The following FKTN variants were observed in gnomAD, a reference collection of about 807,000 sequenced individuals.
FKTN encodes the protein ribitol-5-phosphate transferase FKTN.
FKTN carries 47 observed loss-of-function variants against 58.6 expected under a neutral mutation model. The observed-to-expected ratio is 0.80, with a 90% CI of 0.63 to 1.02. The LOEUF (loss-of-function observed/expected upper bound fraction) is 1.02, where lower values mean the gene tolerates loss of function less well. Among genes scored for constraint, FKTN ranks in the 50% least tolerant of loss-of-function variants. The pLI is 0.00. For synonymous variants in FKTN, 178 were observed against 191.9 expected (o/e 0.93, Z 0.60); for missense variants, 516 against 537.3 (o/e 0.96, Z 0.39).
intron 3 of FKTN, among the ~76,000 whole-genome samples, chr9:105,581,588 T>C (rs1007656521): frequency 2.0e-5 from 3 of 152,018 alleles, no homozygotes; most frequent in East Asian, 1.9e-4. Context: ...GACAGGGACA[T>C]TGAAGTCTGC....
At chr9:105,617,833 C>T (rs1831096581) in intron 8 of FKTN, 126 bp from the exon 9 acceptor site, 5 of 642,744 alleles carry the variant, frequency 7.8e-6, no homozygotes, top group Middle Eastern at 4.4e-4. Context: ...ACAGCCTGGG[C>T]AATATAGTGA....
At chr9:105,562,999 A>AT (rs1564183014) in intron 1 of FKTN, among the ~76,000 whole-genome samples, 16 of 152,254 alleles carry the variant, frequency 1.1e-4, no homozygotes, top group African/African-American at 3.4e-4. Context: ...CTCTTGATAT[A>AT]TCATTCATTC....
chr9:105,595,425 G>C (rs79916506), intron 3 of FKTN, among the ~76,000 whole-genome samples: 3,875 of 152,230 alleles, frequency 0.025, 185 homozygotes, highest in African/African-American at 0.089. Context: ...AGCTGTATTT[G>C]TAATCAACTA....
chr9:105,604,509 A>G lies in FKTN; in HGVS notation c.647+17A>G. 17 of 1,608,506 alleles carry G rather than the reference A, an allele frequency of 1.1e-5. No homozygotes were observed. The highest frequency in any genetic ancestry group is 1.4e-5 in the Non-Finnish European group (16 of 1,174,984). ...TTTTGACAGGTAAGTTCAGAGTCAA[A>G]ACGTGAAATGTGAAATGAGTGTTGT... On this transcript the variant is annotated intron_variant, in intron 6 of 10. Transcript: ENST00000357998.
chr9:105,582,811 A>G (rs754102579), intron 3 of FKTN, among the ~76,000 whole-genome samples: 3 of 152,220 alleles, frequency 2.0e-5, no homozygotes, highest in Non-Finnish European at 2.9e-5. Flanking sequence ...GATAAGCAGT[A>G]TACCTGATTT....
chr9:105,639,258 T>C lies in FKTN; in HGVS notation c.*3994T>C, dbSNP rs564086733. The C allele has an allele frequency of 1.0e-6, 1 of 985,422 alleles. No individual in the cohort carries two copies. Among genetic ancestry groups the C allele is most frequent in the South Asian group, 4.7e-5 (1 of 21,284 alleles). The allele number at this position is 985,422 out of a possible 1,614,324, so 61.0% of individuals were successfully genotyped here. ...CAACGTTCCCTCTTTCCTCCTTGTC[T>C]TCCACTATCATTAAGACCTGGGCTA... On this transcript the variant is annotated 3_prime_UTR_variant, in exon 11 of 11. Transcript: ENST00000357998.
chr9:105,604,171 G>A (rs1398990250), intron 5 of FKTN, 44 bp from the exon 6 acceptor site: 1 of 1,598,824 alleles, frequency 6.3e-7, no homozygotes, highest in Admixed American at 1.7e-5. Context: ...AATATTCAAT[G>A]TTTAAGTGTT....
intron 1 of FKTN, among the ~76,000 whole-genome samples, chr9:105,566,072 G>A (rs1385951275): frequency 1.3e-5 from 2 of 152,162 alleles, no homozygotes; most frequent in Non-Finnish European, 2.9e-5. Flanking sequence ...CAAAATGAAG[G>A]CAGAAATAAA....
intron 3 of FKTN, among the ~76,000 whole-genome samples, chr9:105,577,048 A>T (rs1193991541): frequency 6.9e-4 from 80 of 116,090 alleles, no homozygotes; most frequent in African/African-American, 2.6e-3. Flanking sequence ...GTTTGAGTTC[A>T]TTGTAGATTC....
rs557368400 is a variant in FKTN at position 105,618,468 on chromosome 9, C to T, written c.1044+376C>T. Among the ~76,000 whole-genome samples, 235 of 152,222 alleles carry T rather than the reference C, an allele frequency of 1.5e-3. 1 individual carries two copies. The highest frequency in any genetic ancestry group is 5.3e-3 in the African/African-American group (221 of 41,538). Reference sequence around the variant, plus strand: ...ATTAATAAGTAAGAATCCCACCCGCCGTACCTGATTGTTTCTCATGAGTCA... The same window carrying T: ...ATTAATAAGTAAGAATCCCACCCGCTGTACCTGATTGTTTCTCATGAGTCA... On this transcript the variant is annotated intron_variant, in intron 9 of 10. Transcript: ENST00000357998.
rs999015777 is a variant in FKTN, at chr9:105,637,813, C to T, written c.*2549C>T. 2.0e-6 allele frequency: 2 copies of T among 985,228 alleles called. No individual in the cohort carries two copies. Among genetic ancestry groups the T allele is most frequent in the Non-Finnish European group, 2.4e-6 (2 of 829,870 alleles). 61.0% of individuals were successfully genotyped at this position (985,228 alleles called of 1,614,324 possible). A position where few individuals can be genotyped will look rare whatever the true frequency, so the allele number is the denominator to read the frequency against. Reference sequence around the variant, plus strand: ...AGGTAGTCACCCAGTCCTCTCTAAGCAGGGAGCACTTGTCCTTCTCTCCTC... The same window carrying T: ...AGGTAGTCACCCAGTCCTCTCTAAGTAGGGAGCACTTGTCCTTCTCTCCTC... On this transcript the variant is annotated 3_prime_UTR_variant, in exon 11 of 11. Coordinates refer to ENST00000357998, the MANE Select transcript of FKTN (RefSeq NM_001079802.2).
chr9:105,634,717 C>G (rs1160855055), intron 10 of FKTN, among the ~76,000 whole-genome samples: 1 of 152,168 alleles, frequency 6.6e-6, no homozygotes, highest in Non-Finnish European at 1.5e-5. Context: ...TACTTTGACA[C>G]TTCTTTCCTC....
chr9:105,574,165 G>A (rs1841273602), intron 2 of FKTN: 1 of 152,118 alleles, frequency 6.6e-6, no homozygotes, highest in South Asian at 2.1e-4. Context: ...ACAGAATGTA[G>A]TATAAATTTG....
chr9:105,631,075 G>A (rs1833377379), intron 10 of FKTN, among the ~76,000 whole-genome samples: 1 of 152,198 alleles, frequency 6.6e-6, no homozygotes, highest in Admixed American at 6.5e-5. Flanking sequence ...GGAGGTTGCA[G>A]TGAGCTGAGG....
chr9:105,586,801 T>C (rs1843992432), intron 3 of FKTN, among the ~76,000 whole-genome samples: 1 of 152,234 alleles, frequency 6.6e-6, no homozygotes, highest in African/African-American at 2.4e-5. Context: ...CATTTTCTAG[T>C]ACTTTTAAGG....
At chr9:105,615,253 A>G (rs1564318415) in intron 7 of FKTN, 25 bp from the exon 8 acceptor site, 1 of 1,612,402 alleles carries the variant, frequency 6.2e-7, no homozygotes, top group South Asian at 1.1e-5. Flanking sequence ...TGGCTGTAAT[A>G]GCTGACTATT....
intron 1 of FKTN, among the ~76,000 whole-genome samples, chr9:105,569,916 A>C (rs1342948590): frequency 6.6e-6 from 1 of 152,086 alleles, no homozygotes; most frequent in Non-Finnish European, 1.5e-5. Context: ...TTCTTTAGGA[A>C]ACTTTACCTA....
intron 10 of FKTN, among the ~76,000 whole-genome samples, chr9:105,624,820 A>G (rs545612266): frequency 6.6e-6 from 1 of 152,194 alleles, no homozygotes; most frequent in Admixed American, 6.5e-5. Context: ...AGAGACTTTT[A>G]TATTTAAGCT....
chr9:105,631,546 A>G (rs1833451256), intron 10 of FKTN, among the ~76,000 whole-genome samples: 2 of 152,154 alleles, frequency 1.3e-5, no homozygotes, highest in Admixed American at 6.5e-5. Flanking sequence ...TCCACAATCT[A>G]CAATGAACTC....
Sources: gnomAD v4.1 joint callset for allele counts (sites outside exome capture counted in the v4.1 genomes callset) on GRCh38, gnomAD v4.1.1 for gene constraint, MANE v1.5 for transcripts, NCBI Gene and HGNC (gene_info 2026-07-23, HGNC 2026-07-21) for gene names.